SIMC1: variants seen among roughly 807,000 people sequenced by gnomAD.
SIMC1 encodes the protein SUMO-interacting motif-containing protein 1.
A neutral mutation model predicts 82.3 loss-of-function variants in SIMC1; 55 were observed. The ratio of observed to expected loss-of-function variants is 0.67; its 90% CI spans 0.54 to 0.84. SIMC1 has a LOEUF of 0.84. Ranked by LOEUF, SIMC1 falls within the 40% of genes least tolerant of loss-of-function variation. The pLI is 0.00. For synonymous variants in SIMC1, 353 were observed against 426.3 expected (o/e 0.83, Z 2.12); for missense variants, 915 against 1,107.2 (o/e 0.83, Z 2.46).
chr5:176,328,311 CA>C (rs764733355), intron 7 of SIMC1, among the ~76,000 whole-genome samples: 28 of 152,010 alleles, frequency 1.8e-4, no homozygotes, highest in Non-Finnish European at 3.1e-4. Context: ...TGATTCTGAT[CA>C]TTTGTTTAAA....
intron 7 of SIMC1, 116 bp downstream of exon 7, chr5:176,324,873 T>C (rs1328826487): frequency 8.2e-7 from 1 of 1,226,830 alleles, no homozygotes; most frequent in African/African-American, 1.5e-5. Flanking sequence ...AGGAACAGAA[T>C]TTTACAAGAG....
Position 176,306,326 on chromosome 5 carries a change from C to T in SIMC1, c.1735-7365C>T, listed in dbSNP as rs1310031180. ...CCCCCGTCCGGCCAGCCGCCCCATC[C>T]GGGAGGTGAGGGGCACCTCTGCCCA... On this transcript the variant is annotated intron_variant, in intron 4 of 9. Transcript: ENST00000429602. Among the ~76,000 whole-genome samples, 12 of 140,768 alleles carry T rather than the reference C, an allele frequency of 8.5e-5. No homozygotes were observed. In the South Asian group the frequency reaches 2.5e-3, roughly 30 times the overall value. The allele number at this position is 140,768 out of a possible 152,430, so 92.3% of individuals were successfully genotyped here. A position where few individuals can be genotyped will look rare whatever the true frequency, so the allele number is the denominator to read the frequency against.
chr5:176,293,993 T>A (rs1362627894), intron 2 of SIMC1, among the ~76,000 whole-genome samples: 1 of 152,054 alleles, frequency 6.6e-6, no homozygotes, highest in Non-Finnish European at 1.5e-5. Context: ...AACTTAATAT[T>A]TACTGTTCGC....
chr5:176,302,787 AAC>A (rs1376400922), intron 4 of SIMC1, among the ~76,000 whole-genome samples: 1 of 152,184 alleles, frequency 6.6e-6, no homozygotes, highest in Non-Finnish European at 1.5e-5. Flanking sequence ...AAAAGGAAAT[AAC>A]ACAATTTCAT....
At chr5:176,260,920 G>A (rs1437899551) in intron 1 of SIMC1, 1 of 152,246 alleles carries the variant, frequency 6.6e-6, no homozygotes, top group African/African-American at 2.4e-5. Context: ...GTGACAGGAA[G>A]AAGCAGGGCC....
rs568064990 is a variant in SIMC1, at chr5:176,281,810, C to T, written c.130-7844C>T. The stretch of plus-strand genomic sequence containing the variant: ...GGAAGTTTTGTCTCAGAGGAGTACC[C>T]GGCCGTGTGAGGTGTCAGTCTCCCC... On this transcript the variant is annotated intron_variant, in intron 1 of 9. Coordinates refer to ENST00000429602, the MANE Select transcript of SIMC1 (RefSeq NM_001308195.2). Among the ~76,000 whole-genome samples the T allele has an allele frequency of 3.9e-5, 6 of 152,286 alleles. 1 individual carries two copies. In the East Asian group the frequency reaches 5.8e-4, roughly 15 times the overall value.
rs1425986957 is a variant in SIMC1, at chr5:176,287,240, C to T, written c.130-2414C>T. 3.3e-5 allele frequency among the ~76,000 whole-genome samples: 5 copies of T among 152,128 alleles called. No homozygotes were observed. In the East Asian group the frequency reaches 9.6e-4, roughly 29 times the overall value. ...ACTTGGAACCAACCCAAATATCCATCAATGATACACTGGATTAAGAAAATG... is the reference window on the plus strand; with the variant it reads ...ACTTGGAACCAACCCAAATATCCATTAATGATACACTGGATTAAGAAAATG... On this transcript the variant is annotated intron_variant, in intron 1 of 9. Transcript: ENST00000429602.
chr5:176,297,391 A>G (rs1249231199), intron 4 of SIMC1, among the ~76,000 whole-genome samples: 1 of 151,340 alleles, frequency 6.6e-6, no homozygotes, highest in Non-Finnish European at 1.5e-5. Flanking sequence ...AATCCCAGCT[A>G]CTCGGAAGGC....
chr5:176,270,708 C>T (rs1762387237), intron 1 of SIMC1, among the ~76,000 whole-genome samples: 1 of 152,184 alleles, frequency 6.6e-6, no homozygotes, highest in African/African-American at 2.4e-5. Flanking sequence ...CATTGGAACT[C>T]ACTGCAGCCC....
At chr5:176,291,118 G>A (rs1018476485) in intron 2 of SIMC1, among the ~76,000 whole-genome samples, 163 bp downstream of exon 2, 1 of 149,902 alleles carries the variant, frequency 6.7e-6, no homozygotes, top group Admixed American at 6.6e-5. Context: ...GCCCAGATCT[G>A]GGTTCAAATT....
chr5:176,317,473 C>A (rs1764966188), intron 5 of SIMC1, among the ~76,000 whole-genome samples: 1 of 152,088 alleles, frequency 6.6e-6, no homozygotes, highest in Non-Finnish European at 1.5e-5. Flanking sequence ...GGCAAAATAA[C>A]ATGCTTGCAG....
intron 1 of SIMC1, among the ~76,000 whole-genome samples, chr5:176,289,060 G>A (rs1314365599): frequency 6.6e-6 from 1 of 152,092 alleles, no homozygotes; most frequent in Non-Finnish European, 1.5e-5. Flanking sequence ...GAATCAAGTT[G>A]TACATTCCTA....
At chr5:176,283,717 GAC>G (rs1245833669) in intron 1 of SIMC1, among the ~76,000 whole-genome samples, 1 of 152,124 alleles carries the variant, frequency 6.6e-6, no homozygotes, top group Non-Finnish European at 1.5e-5. Context: ...CCAATTAAAA[GAC>G]ACAGACTGGC....
At chr5:176,341,304 T>G (rs1766130495) in intron 9 of SIMC1, among the ~76,000 whole-genome samples, 1 of 152,188 alleles carries the variant, frequency 6.6e-6, no homozygotes, top group South Asian at 2.1e-4. Flanking sequence ...AGGGCAAGGA[T>G]GTAGTGAGTA....
chr5:176,273,362 C>G (rs1300973263), intron 1 of SIMC1, among the ~76,000 whole-genome samples: 4 of 152,174 alleles, frequency 2.6e-5, no homozygotes, highest in Non-Finnish European at 5.9e-5. Flanking sequence ...AAACCTACAG[C>G]TAAGGGTCCT....
At chr5:176,344,922 C>T (rs1766363331) in intron 9 of SIMC1, among the ~76,000 whole-genome samples, 1 of 151,976 alleles carries the variant, frequency 6.6e-6, no homozygotes, top group African/African-American at 2.4e-5. Flanking sequence ...ATTTTTTGAC[C>T]ATGTTATGTG....
intron 1 of SIMC1, among the ~76,000 whole-genome samples, chr5:176,272,627 C>G (rs1019159289): frequency 3.3e-5 from 5 of 152,178 alleles, no homozygotes; most frequent in African/African-American, 1.2e-4. Context: ...AGAGCTGAAG[C>G]AGGGTGAGGC....
intron 5 of SIMC1, among the ~76,000 whole-genome samples, chr5:176,319,112 G>A (rs1170659327): frequency 6.6e-6 from 1 of 151,446 alleles, no homozygotes; most frequent in Non-Finnish European, 1.5e-5. Flanking sequence ...CTGTCTCAGG[G>A]GGAAAAAAAG....
intron 4 of SIMC1, chr5:176,304,402 C>G (rs544017086): frequency 3.4e-4 from 60 of 175,784 alleles, no homozygotes; most frequent in Non-Finnish European, 6.1e-4. Context: ...TTGGCCGGGC[C>G]GGTCTCCAGC....
Sources: allele counts gnomAD v4.1 joint callset (sites outside exome capture counted in the v4.1 genomes callset), GRCh38; gene constraint gnomAD v4.1.1; transcripts MANE v1.5; gene names NCBI Gene and HGNC (gene_info 2026-07-23, HGNC 2026-07-21).